PRDM16: variants seen among roughly 807,000 people sequenced by gnomAD.
PRDM16 encodes PR/SET domain 16, also known as histone-lysine N-methyltransferase PRDM16.
PRDM16 carries 23 observed loss-of-function variants against 110.6 expected under a neutral mutation model. The observed-to-expected ratio is 0.21, with a 90% CI of 0.15 to 0.29. The LOEUF (loss-of-function observed/expected upper bound fraction) is 0.29. Ranked by LOEUF, PRDM16 falls within the 10% of genes least tolerant of loss-of-function variation. The pLI is 1.00. For missense variants in PRDM16, 1,615 were observed against 1,794.3 expected, an observed-to-expected ratio of 0.90 and a Z score of 1.81; for synonymous variants, 799 against 781.8, an observed-to-expected ratio of 1.02 and a Z score of -0.37.
At chr1:3,172,301 G>A (rs1445583526) in intron 1 of PRDM16, among the ~76,000 whole-genome samples, 1 of 152,210 alleles carries the variant, frequency 6.6e-6, no homozygotes, top group African/African-American at 2.4e-5. Flanking sequence ...GCTGGAAGGA[G>A]ACCCTGTCCT....
intron 16 of PRDM16, 75 bp downstream of exon 16, chr1:3,432,215 G>A (rs941635259): frequency 8.7e-6 from 12 of 1,385,128 alleles, no homozygotes; most frequent in Admixed American, 7.1e-5. Context: ...CTCCTCTCCC[G>A]CCGTGGCCCT....
intron 2 of PRDM16, among the ~76,000 whole-genome samples, chr1:3,218,347 A>AG (rs375198544): frequency 5.9e-5 from 9 of 152,234 alleles, no homozygotes; most frequent in African/African-American, 2.2e-4. Flanking sequence ...TTATCGGAGA[A>AG]GGGGGGAGGG....
chr1:3,390,344 C>T lies in PRDM16; in HGVS notation c.573+5058C>T, dbSNP rs1351144148. Among the ~76,000 whole-genome samples, 1 of 152,136 alleles carries T rather than the reference C, an allele frequency of 6.6e-6. No individual in the cohort carries two copies. Among genetic ancestry groups the T allele is most frequent in the East Asian group, 1.9e-4 (1 of 5,160 alleles). On this transcript the variant is annotated intron_variant, in intron 4 of 16. Transcript: ENST00000270722. This position sits in a 1 kb window ranked among gnomAD's most constrained non-coding sequence, Gnocchi z 5.0. ...TGTCGGGGAGCTGGACTCAGGGGTG[C>T]GGGCCCCCCAGCGTACCACGGAACG...
At chr1:3,321,673 G>A (rs904359840) in intron 3 of PRDM16, among the ~76,000 whole-genome samples, 4 of 150,876 alleles carry the variant, frequency 2.7e-5, no homozygotes, top group South Asian at 2.1e-4. Flanking sequence ...GTGGGTGCAC[G>A]TGTGTGTGTG....
At chr1:3,364,272 C>T (rs926414839) in intron 3 of PRDM16, among the ~76,000 whole-genome samples, 9 of 152,132 alleles carry the variant, frequency 5.9e-5, no homozygotes, top group South Asian at 4.1e-4. Context: ...AGGTCCTGGG[C>T]GGAGGTCTGT....
At chr1:3,427,455 G>A (rs950699944) in intron 14 of PRDM16, among the ~76,000 whole-genome samples, 2 of 152,132 alleles carry the variant, frequency 1.3e-5, no homozygotes, top group African/African-American at 4.8e-5. Flanking sequence ...TACCCACAGG[G>A]CCCAGCTCAC....
chr1:3,198,986 G>A (rs1253758545), intron 2 of PRDM16, among the ~76,000 whole-genome samples: 1 of 152,182 alleles, frequency 6.6e-6, no homozygotes, highest in Non-Finnish European at 1.5e-5. Flanking sequence ...TGTCGCGGCA[G>A]CAGCTGAGAT....
intron 1 of PRDM16, among the ~76,000 whole-genome samples, chr1:3,145,045 C>G (rs1330749133): frequency 6.6e-6 from 1 of 152,188 alleles, no homozygotes; most frequent in Non-Finnish European, 1.5e-5. Flanking sequence ...GAAGGAACAC[C>G]CTAGATGTCC....
chr1:3,079,856 A>C (rs1641981186), intron 1 of PRDM16, among the ~76,000 whole-genome samples: 1 of 152,028 alleles, frequency 6.6e-6, no homozygotes, highest in Admixed American at 6.5e-5. Context: ...CCGCCAAGCT[A>C]CTCTGTTTTT....
At chr1:3,282,403 G>A (rs549206806) in intron 3 of PRDM16, among the ~76,000 whole-genome samples, 1 of 152,180 alleles carries the variant, frequency 6.6e-6, no homozygotes, top group East Asian at 1.9e-4. Context: ...CCCACTGTCG[G>A]GCTTAGGACA....
At chr1:3,292,337 C>T (rs1456390594) in intron 3 of PRDM16, among the ~76,000 whole-genome samples, 1 of 152,212 alleles carries the variant, frequency 6.6e-6, no homozygotes, top group African/African-American at 2.4e-5. Context: ...CAAACCTGCT[C>T]ATTTTTAGCC....
At chr1:3,369,619 G>A (rs1207629458) in intron 3 of PRDM16, among the ~76,000 whole-genome samples, 5 of 152,250 alleles carry the variant, frequency 3.3e-5, no homozygotes, top group African/African-American at 1.2e-4. Flanking sequence ...TGAGCTCCAG[G>A]CTCTGCTGAG....
At chr1:3,420,373 A>G (rs745379881) in intron 12 of PRDM16, among the ~76,000 whole-genome samples, 20 of 152,290 alleles carry the variant, frequency 1.3e-4, no homozygotes, top group Non-Finnish European at 2.5e-4. Context: ...TCAACCCCCC[A>G]TGCCCGCCCC....
intron 12 of PRDM16, among the ~76,000 whole-genome samples, chr1:3,420,785 TG>T (rs1638403993): frequency 6.6e-6 from 1 of 152,072 alleles, no homozygotes; most frequent in African/African-American, 2.4e-5. Context: ...TTGCGGGATT[TG>T]GGTTGGAGAA....
At chr1:3,215,619 G>A (rs556482230) in intron 2 of PRDM16, among the ~76,000 whole-genome samples, 63 of 152,248 alleles carry the variant, frequency 4.1e-4, no homozygotes, top group African/African-American at 1.4e-3. Context: ...CCTGTCCTCC[G>A]GGGACCTGTC....
At chr1:3,141,184 C>T (rs1021082034) in intron 1 of PRDM16, among the ~76,000 whole-genome samples, 22 of 152,202 alleles carry the variant, frequency 1.4e-4, no homozygotes, top group African/African-American at 5.3e-4. Context: ...CCTCCGTCCG[C>T]CCGCTTCTCA....
chr1:3,141,570 C>T (rs1341931722), intron 1 of PRDM16, among the ~76,000 whole-genome samples: 1 of 152,258 alleles, frequency 6.6e-6, no homozygotes, highest in African/African-American at 2.4e-5. Flanking sequence ...CAGGCCTCTG[C>T]CCGGACCCTT....
intron 12 of PRDM16, among the ~76,000 whole-genome samples, chr1:3,423,788 GCCC>G (rs1017475886): frequency 6.6e-6 from 1 of 152,196 alleles, no homozygotes; most frequent in Non-Finnish European, 1.5e-5. Flanking sequence ...CTGCTACCAG[GCCC>G]CCCCGGCCAG....
chr1:3,145,898 C>T (rs1025605596), intron 1 of PRDM16, among the ~76,000 whole-genome samples: 3 of 152,326 alleles, frequency 2.0e-5, no homozygotes, highest in Non-Finnish European at 4.4e-5. Flanking sequence ...CCGGTCAGCC[C>T]GGGGTCAGGC....
Sources: gnomAD v4.1 joint callset for allele counts (sites outside exome capture counted in the v4.1 genomes callset) on GRCh38, gnomAD v4.1.1 for gene constraint, Gnocchi (gnomAD v3.1) non-coding constraint, MANE v1.5 for transcripts, NCBI Gene and HGNC (gene_info 2026-07-23, HGNC 2026-07-21) for gene names.